The following ATP2A2 variants were observed in gnomAD, a reference collection of about 807,000 sequenced individuals.
ATP2A2 encodes ATPase sarcoplasmic/endoplasmic reticulum Ca2+ transporting 2, also known as sarcoplasmic/endoplasmic reticulum calcium ATPase 2.
Under a neutral mutation model 109.3 loss-of-function variants are expected in ATP2A2, and 14 were observed. The ratio of observed to expected loss-of-function variants is 0.13; its 90% CI spans 0.08 to 0.20. The LOEUF (loss-of-function observed/expected upper bound fraction) is 0.20, where lower values mean the gene tolerates loss of function less well. ATP2A2 is among the 10% of genes least tolerant of loss of function. The probability of loss-of-function intolerance (pLI) is 1.00; values close to 1 mark genes in which losing one functional copy is unlikely to be tolerated. For synonymous variants in ATP2A2, 506 were observed against 490.9 expected, an observed-to-expected ratio of 1.03 and a Z score of -0.41; for missense variants, 657 against 1,321.6, an observed-to-expected ratio of 0.50 and a Z score of 7.80.
chr12:110,347,562 G>C lies in ATP2A2; in HGVS notation c.*1092G>C, dbSNP rs1217152647. On this transcript the variant is annotated 3_prime_UTR_variant, in exon 20 of 20. Coordinates refer to ENST00000539276, the MANE Select transcript of ATP2A2 (RefSeq NM_170665.4). ...CCTGGTATAGAGAACATAAGGGCAA[G>C]TGTGTATGTGTGTGTATGTGTGTGT... The C allele has an allele frequency of 1.2e-5, 15 of 1,241,078 alleles. No individual in the cohort carries two copies. Among genetic ancestry groups the C allele is most frequent in the Admixed American group, 2.8e-5 (1 of 35,936 alleles). 76.9% of individuals were successfully genotyped at this position (1,241,078 alleles called of 1,614,324 possible).
chr12:110,346,667 C>T lies in ATP2A2; in HGVS notation c.*197C>T. ...TTTTTTATACACATAATTAAAGTGT[C>T]CATTGACATGTACAGAGAACTAACA... is the stretch of plus-strand genomic sequence containing the variant. On this transcript the variant is annotated 3_prime_UTR_variant, in exon 20 of 20. Transcript: ENST00000539276. 1 of 1,446,122 alleles carries T rather than the reference C, an allele frequency of 6.9e-7. No homozygotes were observed. Among genetic ancestry groups the T allele is most frequent in the Non-Finnish European group, 9.0e-7 (1 of 1,108,748 alleles). 89.6% of individuals were successfully genotyped at this position (1,446,122 alleles called of 1,614,324 possible).
At chr12:110,332,801 T>C in intron 9 of ATP2A2, 116 bp downstream of exon 9, 1 of 937,690 alleles carries the variant, frequency 1.1e-6, no homozygotes. Context: ...AAGTCAACAC[T>C]TATTACTAAA....
At chr12:110,315,705 C>T (rs1333111989) in intron 5 of ATP2A2, among the ~76,000 whole-genome samples, 1 of 152,114 alleles carries the variant, frequency 6.6e-6, no homozygotes, top group East Asian at 1.9e-4. Flanking sequence ...CTTTGGGAGG[C>T]CTAGGTGGGT....
In ATP2A2 at chr12:110,349,415, C is replaced by T; in HGVS notation, c.*2945C>T. On this transcript the variant is annotated 3_prime_UTR_variant, in exon 20 of 20. Transcript: ENST00000539276. ...AGTGTCGCTTGTTGCCACCCCGTGC[C>T]TCCCTTGGCCTCTCTGAGCTTTGCC... 1 of 985,536 alleles carries T rather than the reference C, an allele frequency of 1.0e-6. No homozygotes were observed. Among genetic ancestry groups the T allele is most frequent in the Non-Finnish European group, 1.2e-6 (1 of 829,994 alleles). The allele number at this position is 985,536 out of a possible 1,614,324, so 61.0% of individuals were successfully genotyped here. A position where few individuals can be genotyped will look rare whatever the true frequency, so the allele number is the denominator to read the frequency against.
chr12:110,307,024 G>T (rs1468437426), intron 5 of ATP2A2, among the ~76,000 whole-genome samples: 2 of 151,874 alleles, frequency 1.3e-5, no homozygotes. Flanking sequence ...CTCCGAAAGT[G>T]CTGAGATTAC....
chr12:110,293,316 C>T (rs1427291824), intron 4 of ATP2A2, among the ~76,000 whole-genome samples: 2 of 151,734 alleles, frequency 1.3e-5, no homozygotes, highest in Non-Finnish European at 2.9e-5. Flanking sequence ...GATCCACCCA[C>T]CTCGGCCTCC....
At position 110,342,170 on chromosome 12, in the gene ATP2A2, C is replaced by CCCA. The variant is rs1879418344; in HGVS notation, c.2098-58_2098-57insCCA. On this transcript the variant is annotated intron_variant, in intron 14 of 19. Coordinates refer to ENST00000539276, the MANE Select transcript of ATP2A2 (RefSeq NM_170665.4). This position sits in a 1 kb window ranked among gnomAD's most constrained non-coding sequence, Gnocchi z 4.6. ...TGCTTCCCATTCAGTGGGCTTTTGCCTAGGGGTATGAATGTGGCATGCCAG... is the reference window on the plus strand; with the variant it reads ...TGCTTCCCATTCAGTGGGCTTTTGCCCCATAGGGGTATGAATGTGGCATGCCAG... 8.2e-6 allele frequency: 13 copies of CCCA among 1,588,286 alleles called. No homozygotes were observed. The highest frequency in any genetic ancestry group is 3.3e-5 in the Admixed American group (2 of 59,976).
chr12:110,324,281 T>A (rs1877539638), intron 6 of ATP2A2, among the ~76,000 whole-genome samples: 1 of 152,172 alleles, frequency 6.6e-6, no homozygotes, highest in Admixed American at 6.5e-5. Flanking sequence ...GTATTGTTTC[T>A]TTATAAATAG....
intron 3 of ATP2A2, among the ~76,000 whole-genome samples, chr12:110,285,700 C>T (rs1324823614): frequency 6.6e-6 from 1 of 152,162 alleles, no homozygotes; most frequent in African/African-American, 2.4e-5. Flanking sequence ...ATGTTGGTCT[C>T]CCATCTGTCT....
At chr12:110,318,983 T>C (rs1388656851) in intron 5 of ATP2A2, among the ~76,000 whole-genome samples, 1 of 152,154 alleles carries the variant, frequency 6.6e-6, no homozygotes, top group Non-Finnish European at 1.5e-5. Flanking sequence ...CTCTAGCTAT[T>C]GCATTTTTTC....
upstream of ATP2A2, chr12:110,281,116 G>A (rs1872014262): frequency 1.3e-5 from 2 of 149,952 alleles, no homozygotes; most frequent in South Asian, 2.1e-4. Flanking sequence ...GGCGCCAGGC[G>A]CGCGGGAGGA....
At chr12:110,323,946 ATGT>A (rs1448241873) in intron 6 of ATP2A2, among the ~76,000 whole-genome samples, 1 of 152,204 alleles carries the variant, frequency 6.6e-6, no homozygotes, top group African/African-American at 2.4e-5. Context: ...AGGAGTGCTA[ATGT>A]TGTATCAATC....
chr12:110,342,136 T>G lies in ATP2A2; in HGVS notation c.2098-92T>G, dbSNP rs1879415192. The G allele has an allele frequency of 7.0e-7, 1 of 1,437,324 alleles. No individual in the cohort carries two copies. Among genetic ancestry groups the G allele is most frequent in the Non-Finnish European group, 9.8e-7 (1 of 1,021,264 alleles). 89.0% of individuals were successfully genotyped at this position (1,437,324 alleles called of 1,614,324 possible). A position where few individuals can be genotyped will look rare whatever the true frequency, so the allele number is the denominator to read the frequency against. On this transcript the variant is annotated intron_variant, in intron 14 of 19. Coordinates refer to ENST00000539276, the MANE Select transcript of ATP2A2 (RefSeq NM_170665.4). This position sits in a 1 kb window ranked among gnomAD's most constrained non-coding sequence, Gnocchi z 4.6. ...GCCAAGAGACCTACGGCTCTATTCA[T>G]TTTCCTCCTGCTTCCCATTCAGTGG...
At chr12:110,282,875 C>A in intron 3 of ATP2A2, 80 bp downstream of exon 3, 3 of 1,197,340 alleles carry the variant, frequency 2.5e-6, no homozygotes, top group African/African-American at 1.5e-5. Context: ...AAATGATGTC[C>A]ATTGGGTGAA....
Position 110,327,853 on chromosome 12 carries a change from C to G in ATP2A2, c.931C>G (p.Leu311Val). Reference protein sequence around the residue: ...ALAVAAIPEGLPAVITTCLAL... With the variant: ...ALAVAAIPEGVPAVITTCLAL... ...GGCTGTAGCAGCCATTCCTGAAGGT[C>G]TGCCTGCAGTCATCACCACCTGCCT... Residue 311 changes from leucine to valine, a missense_variant, in exon 8 of 20, where the codon CTG becomes GTG. This residue lies in a region of ATP2A2 where 136 missense variants were observed against 343.9 expected (regional missense o/e 0.40). Transcript: ENST00000539276. This position sits in a 1 kb window ranked among gnomAD's most constrained non-coding sequence, Gnocchi z 4.4. The G allele has an allele frequency of 6.2e-7, 1 of 1,614,182 alleles. No homozygotes were observed. Among genetic ancestry groups the G allele is most frequent in the Non-Finnish European group, 8.5e-7 (1 of 1,180,028 alleles).
rs1879934959 is a variant in ATP2A2, at chr12:110,347,032, CCACCT to C, written c.*564_*568del. ...TGGCCTCCGTTCACCCCACCCCACC[CCACCT>C]CTCCCCACCTTACCCCCGCCCCGCT... On this transcript the variant is annotated 3_prime_UTR_variant, in exon 20 of 20. Transcript: ENST00000539276. 4.7e-6 allele frequency: 5 copies of C among 1,057,730 alleles called. No individual in the cohort carries two copies. Among genetic ancestry groups the C allele is most frequent in the Non-Finnish European group, 5.7e-6 (5 of 874,426 alleles). 65.5% of individuals were successfully genotyped at this position (1,057,730 alleles called of 1,614,324 possible). A position where few individuals can be genotyped will look rare whatever the true frequency, so the allele number is the denominator to read the frequency against.
At chr12:110,280,987 G>A (rs1471337839), upstream of ATP2A2, 4 of 152,086 alleles carry the variant, frequency 2.6e-5, no homozygotes, top group Non-Finnish European at 5.9e-5. Context: ...GAGAACCGCA[G>A]GCACAGAAGA....
At position 110,333,171 on chromosome 12, in the gene ATP2A2, C is replaced by T. The variant is rs755495492; in HGVS notation, c.1185-10C>T. On this transcript the variant is annotated splice_polypyrimidine_tract_variant and intron_variant, in intron 9 of 19. Transcript: ENST00000539276. Reference sequence around the variant, plus strand: ...ATACCCTGCTCTAAGAGTGTTTTCTCTTTGGGCAGGCATAAAGATGATAAA... The same window carrying T: ...ATACCCTGCTCTAAGAGTGTTTTCTTTTTGGGCAGGCATAAAGATGATAAA... 13 of 1,610,646 alleles carry T rather than the reference C, an allele frequency of 8.1e-6. No homozygotes were observed. The highest frequency in any genetic ancestry group is 4.0e-5 in the African/African-American group (3 of 74,824).
rs749504609 is a variant in ATP2A2, at chr12:110,347,380, A to G, written c.*910A>G. ...TACCTGGGACTAACAGACATGTCCAACTTTCTCTCCAGTTCTTAGCTCAGA... is the reference window on the plus strand; with the variant it reads ...TACCTGGGACTAACAGACATGTCCAGCTTTCTCTCCAGTTCTTAGCTCAGA... On this transcript the variant is annotated 3_prime_UTR_variant, in exon 20 of 20. Coordinates refer to ENST00000539276, the MANE Select transcript of ATP2A2 (RefSeq NM_170665.4). The G allele has an allele frequency of 4.7e-6, 6 of 1,289,190 alleles. No individual in the cohort carries two copies. The highest frequency in any genetic ancestry group is 2.5e-5 in the South Asian group (2 of 81,022). The allele number at this position is 1,289,190 out of a possible 1,614,324, so 79.9% of individuals were successfully genotyped here.
Sources: allele counts gnomAD v4.1 joint callset (sites outside exome capture counted in the v4.1 genomes callset), GRCh38; gene constraint gnomAD v4.1.1; regional missense constraint gnomAD v4.1.1; non-coding constraint Gnocchi (gnomAD v3.1); transcripts MANE v1.5; gene names NCBI Gene and HGNC (gene_info 2026-07-23, HGNC 2026-07-21).